Variants in ZDHHC4 observed in about 807,000 individuals in gnomAD.
ZDHHC4 encodes the protein zDHHC palmitoyltransferase 4.
ZDHHC4 carries 42 observed loss-of-function variants against 36.7 expected under a neutral mutation model. The ratio of observed to expected loss-of-function variants is 1.14; its 90% CI spans 0.89 to 1.48. ZDHHC4 has a LOEUF of 1.48. Ranked by LOEUF, ZDHHC4 falls within the 40% of genes most tolerant of loss-of-function variation. The pLI is 0.00. For missense variants in ZDHHC4, 457 were observed against 421.5 expected, an observed-to-expected ratio of 1.08 and a Z score of -0.74; for synonymous variants, 189 against 166.6, an observed-to-expected ratio of 1.13 and a Z score of -1.03.
rs190899826 is a variant in ZDHHC4, at chr7:6,588,639, G to A, written c.764G>A (p.Arg255Gln). The A allele has an allele frequency of 2.4e-5, 39 of 1,614,092 alleles. No individual in the cohort carries two copies. The highest frequency in any genetic ancestry group is 1.7e-4 in the Admixed American group (10 of 60,016). The change falls in exon 8 of 8, where the codon CGG becomes CAG. Residue 255 changes from arginine to glutamine, a missense_variant. Coordinates refer to ENST00000335965, the MANE Select transcript of ZDHHC4 (RefSeq NM_001134389.2). ...LIQYLFLTFPRIVFMLGFVVV... is the reference protein window; with the variant it reads ...LIQYLFLTFPQIVFMLGFVVV... ...TAGTACCTGTTCCTGACTTTTCCAC[G>A]GATTGTCTTCATGCTGGGCTTTGTC...
chr7:6,586,518 C>G (rs1005257779), intron 7 of ZDHHC4, among the ~76,000 whole-genome samples: 1 of 152,130 alleles, frequency 6.6e-6, no homozygotes, highest in Non-Finnish European at 1.5e-5. Context: ...TCTTGTTGCC[C>G]AGGCTGGAGT....
rs918043781 is a variant in ZDHHC4 at position 6,577,494 on chromosome 7, T to C, written c.-167T>C. The C allele has an allele frequency of 1.5e-4, 23 of 152,310 alleles. No homozygotes were observed. Among genetic ancestry groups the C allele is most frequent in the African/African-American group, 5.5e-4 (23 of 41,570 alleles). 9.4% of individuals were successfully genotyped at this position (152,310 alleles called of 1,614,324 possible). ...CCGGGAGGCGCCGGAGCCCAGCGGC[T>C]GGCGGTAAGGCCGCCTCCGCGGGGC... On this transcript the variant is annotated 5_prime_UTR_variant, in exon 1 of 8. Coordinates refer to ENST00000335965, the MANE Select transcript of ZDHHC4 (RefSeq NM_001134389.2).
At chr7:6,585,865 A>G (rs1193151053) in intron 7 of ZDHHC4, among the ~76,000 whole-genome samples, 1 of 151,590 alleles carries the variant, frequency 6.6e-6, no homozygotes, top group Non-Finnish European at 1.5e-5. Flanking sequence ...AAATTCACAT[A>G]TTGGGCCAGG....
chr7:6,580,459 G>C (rs1562539316), intron 2 of ZDHHC4, 96 bp from the exon 3 acceptor site: 1 of 995,276 alleles, frequency 1.0e-6, no homozygotes, highest in East Asian at 2.4e-5. Context: ...GATGAATTCT[G>C]TTTTGGTAGC....
chr7:6,579,974 A>G (rs1439981176), intron 2 of ZDHHC4, among the ~76,000 whole-genome samples: 1 of 151,978 alleles, frequency 6.6e-6, no homozygotes, highest in Non-Finnish European at 1.5e-5. Flanking sequence ...CATCTCTACT[A>G]AAAATACAAA....
Position 6,582,172 on chromosome 7 carries a change from C to T in ZDHHC4, c.291C>T (p.Ser97=). 6 of 1,614,184 alleles carry T rather than the reference C, an allele frequency of 3.7e-6. No homozygotes were observed. Among genetic ancestry groups the T allele is most frequent in the Middle Eastern group, 3.3e-4 (2 of 6,062 alleles). Residue 97 remains serine, a synonymous_variant, in exon 5 of 8, where the codon TCC becomes TCT. Transcript: ENST00000335965. ...VFGYCQELEL[S]LHYLLLPYLL... ...GCTACTGTCAGGAGCTGGAGTTGTC[C>T]TTGCATTACCTTCTTCTGCCCTATC...
At chr7:6,582,664 T>A (rs745595967) in intron 5 of ZDHHC4, among the ~76,000 whole-genome samples, 186 of 151,990 alleles carry the variant, frequency 1.2e-3, no homozygotes, top group Non-Finnish European at 2.2e-3. Flanking sequence ...ACTACAGGCG[T>A]GCGCCACCAC....
intron 3 of ZDHHC4, among the ~76,000 whole-genome samples, chr7:6,581,394 G>A (rs188482925): frequency 5.4e-4 from 82 of 152,316 alleles, no homozygotes; most frequent in Non-Finnish European, 1.0e-3. Flanking sequence ...AGGTGCCTTC[G>A]TCAGAATCAG....
At chr7:6,577,757 G>A (rs1780536006) in intron 1 of ZDHHC4, 1 of 152,226 alleles carries the variant, frequency 6.6e-6, no homozygotes, top group African/African-American at 2.4e-5. Context: ...AGGCCCTAAT[G>A]GGGAGTGGCG....
In ZDHHC4 at chr7:6,588,693, A is replaced by G. The variant is rs779180149; in HGVS notation, c.818A>G (p.Tyr273Cys). ...GTTCTGAGCTTCCTCCTGGGTGGCT[A>G]CCTGTTGTTTGTCCTGTATCTGGCG... ...VVVLSFLLGG[Y>C]LLFVLYLAAT... is the part of the protein sequence containing the mutation. Residue 273 changes from tyrosine to cysteine, a missense_variant, in exon 8 of 8, where the codon TAC (tyrosine) becomes TGC (cysteine). Physicochemically the swap from Tyr to Cys is radical, Grantham distance 194 (BLOSUM62 -2). Transcript: ENST00000335965. The G allele has an allele frequency of 3.1e-6, 5 of 1,614,006 alleles. No individual in the cohort carries two copies. The highest frequency in any genetic ancestry group is 4.2e-6 in the Non-Finnish European group (5 of 1,180,024).
At chr7:6,586,500 A>G (rs1365937147) in intron 7 of ZDHHC4, among the ~76,000 whole-genome samples, 1 of 152,070 alleles carries the variant, frequency 6.6e-6, no homozygotes, top group East Asian at 1.9e-4. Context: ...TTTGGGATGG[A>G]GTCTCGCTCT....
intron 1 of ZDHHC4, among the ~76,000 whole-genome samples, chr7:6,577,903 G>T (rs537183749): frequency 8.2e-4 from 125 of 152,282 alleles, no homozygotes; most frequent in African/African-American, 2.5e-3. Context: ...CGCGATCTCG[G>T]CTTACTGCAC....
rs1780921861 is a variant in ZDHHC4, at chr7:6,582,385, T to C, written c.370+134T>C. 3.1e-5 allele frequency: 28 copies of C among 902,324 alleles called. No homozygotes were observed. In the South Asian group the frequency reaches 5.0e-4, roughly 16 times the overall value. 55.9% of individuals were successfully genotyped at this position (902,324 alleles called of 1,614,324 possible). A position where few individuals can be genotyped will look rare whatever the true frequency, so the allele number is the denominator to read the frequency against. ...GTAGCATTTTCATTACCTTTCAGTT[T>C]TGAGTGTTTTCTAATTTTTTTTTTC... is the stretch of plus-strand genomic sequence containing the variant. On this transcript the variant is annotated intron_variant, in intron 5 of 7. Transcript: ENST00000335965.
intron 5 of ZDHHC4, 145 bp downstream of exon 5, chr7:6,582,396 C>T: frequency 3.6e-6 from 3 of 841,788 alleles, no homozygotes; most frequent in South Asian, 2.1e-5. Context: ...TGAGTGTTTT[C>T]TAATTTTTTT....
At chr7:6,588,434 G>A (rs1166893007) in intron 7 of ZDHHC4, among the ~76,000 whole-genome samples, 183 bp from the exon 8 acceptor site, 1 of 152,198 alleles carries the variant, frequency 6.6e-6, no homozygotes, top group Non-Finnish European at 1.5e-5. Flanking sequence ...ACTCTTGTAT[G>A]TACTGGGATT....
chr7:6,580,679 G>T lies in ZDHHC4; in HGVS notation c.117+1G>T, dbSNP rs1409351882. 1.2e-6 allele frequency: 2 copies of T among 1,612,602 alleles called. No individual in the cohort carries two copies. The highest frequency in any genetic ancestry group is 2.7e-5 in the African/African-American group (2 of 74,900). On this transcript the variant is annotated splice_donor_variant, in intron 3 of 7. Coordinates refer to ENST00000335965, the MANE Select transcript of ZDHHC4 (RefSeq NM_001134389.2). LOFTEE classifies it high-confidence loss of function. ...AGGCCTGGCCAGGGGAGGAGCACAG[G>T]TAAGGATGATCCTTGGATGGCACTG...
intron 6 of ZDHHC4, chr7:6,584,119 A>G (rs1033286460): frequency 1.3e-5 from 2 of 152,206 alleles, no homozygotes; most frequent in Non-Finnish European, 2.9e-5. Context: ...GCTTGGAGAC[A>G]GTTTTAATCA....
intron 4 of ZDHHC4, 87 bp downstream of exon 4, chr7:6,581,767 G>T: frequency 8.7e-7 from 1 of 1,144,294 alleles, no homozygotes. Context: ...GAAGCTCCTT[G>T]TGGTTTCCAG....
chr7:6,585,530 T>C (rs1272192813), intron 7 of ZDHHC4, among the ~76,000 whole-genome samples: 1 of 151,958 alleles, frequency 6.6e-6, no homozygotes, highest in African/African-American at 2.4e-5. Context: ...CAGGGCCGGG[T>C]GCAGTGGCTC....
Sources: allele counts gnomAD v4.1 joint callset (sites outside exome capture counted in the v4.1 genomes callset), GRCh38; gene constraint gnomAD v4.1.1; transcripts MANE v1.5; gene names NCBI Gene and HGNC (gene_info 2026-07-23, HGNC 2026-07-21).